The following MTHFD1 variants were observed in gnomAD, a reference collection of about 807,000 sequenced individuals.
MTHFD1 encodes methylenetetrahydrofolate dehydrogenase, cyclohydrolase and formyltetrahydrofolate synthetase 1, also known as C-1-tetrahydrofolate synthase, cytoplasmic.
MTHFD1 carries 44 observed loss-of-function variants against 110.3 expected under a neutral mutation model. The ratio of observed to expected loss-of-function variants is 0.40; its 90% CI spans 0.31 to 0.51. MTHFD1 has a LOEUF of 0.51. Among genes scored for constraint, MTHFD1 ranks in the 20% least tolerant of loss-of-function variants. The probability of loss-of-function intolerance (pLI) is 0.60; values close to 1 mark genes in which losing one functional copy is unlikely to be tolerated. For synonymous variants in MTHFD1, 402 were observed against 428.8 expected (o/e 0.94, Z 0.77); for missense variants, 909 against 1,173.1 (o/e 0.77, Z 3.29).
In MTHFD1 at chr14:64,430,185, T is replaced by A. The variant is rs146506151; in HGVS notation, c.1266T>A (p.Gly422=). The A allele has an allele frequency of 4.9e-5, 79 of 1,613,648 alleles. No individual in the cohort carries two copies. In the Middle Eastern group the frequency reaches 5.2e-4, roughly 11 times the overall value. Residue 422 remains glycine (G), a splice_region_variant and synonymous_variant, in exon 13 of 28, where the codon GGT becomes GGA. Transcript: ENST00000652337. ...TTCCACCCTTGACCTGTCCCCTAGG[T>A]GGCGCTGCAGGAGGCGGCTACTCCC... ...PSQGPTFGIK[G]GAAGGGYSQV... is the part of the protein sequence containing the mutation.
intron 11 of MTHFD1, 120 bp from the exon 12 acceptor site, chr14:64,427,217 G>A: frequency 8.2e-7 from 1 of 1,213,132 alleles, no homozygotes; most frequent in African/African-American, 1.5e-5. Context: ...TGCTATGCCT[G>A]ACTTTGTCTT....
chr14:64,400,671 A>G lies in MTHFD1; in HGVS notation c.42-122A>G. On this transcript the variant is annotated intron_variant, in intron 1 of 27. Coordinates refer to ENST00000652337, the MANE Select transcript of MTHFD1 (RefSeq NM_005956.4). ...CCACTGTACTCCCAGCCTGGGTGAC[A>G]GAGCGAGACCCTGTGTTAATAAACA... The G allele has an allele frequency of 6.9e-6, 5 of 723,528 alleles. No individual in the cohort carries two copies. In the South Asian group the frequency reaches 7.4e-5, roughly 11 times the overall value. 44.8% of individuals were successfully genotyped at this position (723,528 alleles called of 1,614,324 possible).
chr14:64,439,091 T>C lies in MTHFD1; in HGVS notation c.1598-5T>C. ...ATCGTTCTATATCTTGCCTGTCTGCTGTAGTGTTGGATACCAATGATAGAT... is the reference window on the plus strand; with the variant it reads ...ATCGTTCTATATCTTGCCTGTCTGCCGTAGTGTTGGATACCAATGATAGAT... On this transcript the variant is annotated splice_polypyrimidine_tract_variant and splice_region_variant and intron_variant, in intron 16 of 27. Coordinates refer to ENST00000652337, the MANE Select transcript of MTHFD1 (RefSeq NM_005956.4). 6.2e-7 allele frequency: 1 copy of C among 1,612,026 alleles called. No homozygotes were observed. The highest frequency in any genetic ancestry group is 8.5e-7 in the Non-Finnish European group (1 of 1,178,030).
At chr14:64,439,331 C>T in intron 17 of MTHFD1, 159 bp downstream of exon 17, 1 of 669,820 alleles carries the variant, frequency 1.5e-6, no homozygotes. Flanking sequence ...ATTGAGCACT[C>T]CTGACAGCTT....
intron 22 of MTHFD1, 140 bp downstream of exon 22, chr14:64,444,874 G>A: frequency 1.2e-6 from 1 of 833,598 alleles, no homozygotes; most frequent in Admixed American, 1.9e-5. Context: ...GCAGTGTGCT[G>A]AGGAGTTATA....
Position 64,417,816 on chromosome 14 carries a change from T to C in MTHFD1, c.479-72T>C. The C allele has an allele frequency of 1.9e-6, 3 of 1,595,330 alleles. No individual in the cohort carries two copies. Among genetic ancestry groups the C allele is most frequent in the Non-Finnish European group, 2.6e-6 (3 of 1,165,802 alleles). On this transcript the variant is annotated intron_variant, in intron 6 of 27. Coordinates refer to ENST00000652337, the MANE Select transcript of MTHFD1 (RefSeq NM_005956.4). The surrounding 1 kb of genome is among the most constrained non-coding windows in gnomAD (Gnocchi z 4.4). ...ACCTGTTTTTGTGCACTTATTCTAA[T>C]TTCTCCACGTGGCATGCGAAGGAGG...
In MTHFD1 at chr14:64,411,072, A is replaced by G. The variant is rs373024383; in HGVS notation, c.127-18A>G. On this transcript the variant is annotated intron_variant, in intron 2 of 27. Transcript: ENST00000652337. ...GCCTTTCCCTAATCATCTGATTTGC[A>G]TGCATTTATTATTCTAGGTTGGCAA... The G allele has an allele frequency of 8.8e-5, 138 of 1,573,480 alleles. No homozygotes were observed. Among genetic ancestry groups the G allele is most frequent in the Non-Finnish European group, 1.0e-4 (120 of 1,143,292 alleles).
At position 64,454,914 on chromosome 14, in the gene MTHFD1, A is replaced by C. The variant is rs370094944; in HGVS notation, c.2718+39A>C. 4 of 1,608,342 alleles carry C rather than the reference A, an allele frequency of 2.5e-6. No individual in the cohort carries two copies. The African/African-American group carries it at 4.0e-5, about 16-fold the overall frequency. Reference sequence around the variant, plus strand: ...GCAAGGGAGTAGTGGGCGCATCTGCACTTCTCGTCTGAAGTGTGTTGCCGA... The same window carrying C: ...GCAAGGGAGTAGTGGGCGCATCTGCCCTTCTCGTCTGAAGTGTGTTGCCGA... On this transcript the variant is annotated intron_variant, in intron 26 of 27. Coordinates refer to ENST00000652337, the MANE Select transcript of MTHFD1 (RefSeq NM_005956.4).
intron 1 of MTHFD1, among the ~76,000 whole-genome samples, chr14:64,394,380 G>A (rs1416498877): frequency 1.3e-5 from 2 of 152,026 alleles, no homozygotes; most frequent in African/African-American, 4.8e-5. Flanking sequence ...AGACACCCTG[G>A]GTTTGGTTCT....
At chr14:64,388,707 A>C (rs35020344) in intron 1 of MTHFD1, 1 of 590,658 alleles carries the variant, frequency 1.7e-6, no homozygotes, top group African/African-American at 1.9e-5. Context: ...TGTGCCGACT[A>C]TGCTCCCAAA....
intron 1 of MTHFD1, chr14:64,389,260 G>T (rs1385470286): frequency 6.6e-6 from 1 of 152,254 alleles, no homozygotes; most frequent in African/African-American, 2.4e-5. Flanking sequence ...AGGAGGGAAA[G>T]ATATATTCTG....
intron 4 of MTHFD1, among the ~76,000 whole-genome samples, chr14:64,414,394 C>T (rs1270214976): frequency 1.3e-5 from 2 of 148,590 alleles, no homozygotes; most frequent in Non-Finnish European, 1.5e-5. Flanking sequence ...TGGGTTCAAG[C>T]GATTCTCATG....
intron 1 of MTHFD1, among the ~76,000 whole-genome samples, chr14:64,392,842 A>G: frequency 6.6e-6 from 1 of 152,232 alleles, no homozygotes. Context: ...TGAATAAAAA[A>G]GTGATGTTTG....
intron 22 of MTHFD1, among the ~76,000 whole-genome samples, chr14:64,446,948 C>G (rs1452964379): frequency 6.6e-6 from 1 of 151,996 alleles, no homozygotes; most frequent in Non-Finnish European, 1.5e-5. Context: ...TAAGCAGTCT[C>G]CCCGCTTCAA....
At chr14:64,415,592 A>G (rs1288796421) in intron 5 of MTHFD1, 47 bp from the exon 6 acceptor site, 2 of 1,611,460 alleles carry the variant, frequency 1.2e-6, no homozygotes, top group African/African-American at 1.3e-5. Context: ...AAGAGTAAAG[A>G]CATCTAATTG....
At position 64,458,337 on chromosome 14, in the gene MTHFD1, T is replaced by G. The variant is rs368247374; in HGVS notation, c.*4+30T>G. 45 of 1,390,350 alleles carry G rather than the reference T, an allele frequency of 3.2e-5. No individual in the cohort carries two copies. The African/African-American group carries it at 5.7e-4, about 18-fold the overall frequency. 86.1% of individuals were successfully genotyped at this position (1,390,350 alleles called of 1,614,324 possible). A position where few individuals can be genotyped will look rare whatever the true frequency, so the allele number is the denominator to read the frequency against. ...GTTGTTACTGGGTAATAATTTGGCT[T>G]TTTTCCTCATGTAGCTTATTTATGA... On this transcript the variant is annotated intron_variant, in intron 27 of 27. Coordinates refer to ENST00000652337, the MANE Select transcript of MTHFD1 (RefSeq NM_005956.4).
At chr14:64,413,025 T>G in intron 4 of MTHFD1, among the ~76,000 whole-genome samples, 1 of 151,994 alleles carries the variant, frequency 6.6e-6, no homozygotes, top group East Asian at 1.9e-4. Context: ...TGCAGTACTG[T>G]TTGCTTCCAA....
intron 15 of MTHFD1, among the ~76,000 whole-genome samples, chr14:64,433,713 CATTTTTTTTT>C (rs899869633): frequency 7.5e-6 from 1 of 133,256 alleles, no homozygotes; most frequent in African/African-American, 2.9e-5. Flanking sequence ...CTGAGCTCAG[CATTTTTTTTT>C]TTTTTTTTTT....
intron 4 of MTHFD1, 115 bp from the exon 5 acceptor site, chr14:64,415,243 C>A: frequency 1.2e-6 from 1 of 840,030 alleles, no homozygotes; most frequent in Non-Finnish European, 2.0e-6. Context: ...TCTGAAAGGA[C>A]TATAATTAAA....
Sources: allele counts gnomAD v4.1 joint callset (sites outside exome capture counted in the v4.1 genomes callset), GRCh38; gene constraint gnomAD v4.1.1; non-coding constraint Gnocchi (gnomAD v3.1); transcripts MANE v1.5; gene names NCBI Gene and HGNC (gene_info 2026-07-23, HGNC 2026-07-21).